The following IFT20 variants were observed in gnomAD, a reference collection of about 807,000 sequenced individuals.
The protein encoded by IFT20 is intraflagellar transport 20.
Under a neutral mutation model 16.9 loss-of-function variants are expected in IFT20, and 4 were observed. That is an observed-to-expected ratio of 0.24 (90% CI 0.12 to 0.54). The LOEUF is 0.54. Among genes scored for constraint, IFT20 ranks in the 20% least tolerant of loss-of-function variants. The pLI, the probability that IFT20 is intolerant of heterozygous loss-of-function variation, is 0.95. For missense variants in IFT20, 154 were observed against 149.7 expected (o/e 1.03, Z -0.15); for synonymous variants, 48 against 49.9 (o/e 0.96, Z 0.16).
chr17:28,329,818 T>G lies in IFT20; in HGVS notation c.214-542A>C, dbSNP rs1188034968. ...CACTCACGCCTTAATCCCAGCACTT[T>G]GGGAGGCTGAGGCGGGCGGATCACC... On this transcript the variant is annotated intron_variant, in intron 3 of 4. Coordinates refer to ENST00000395418, the MANE Select transcript of IFT20 (RefSeq NM_001267776.2). The G allele has an allele frequency of 4.7e-5, 9 of 192,304 alleles. No individual in the cohort carries two copies. In the Admixed American group the frequency reaches 5.3e-4, roughly 11 times the overall value. The allele number at this position is 192,304 out of a possible 1,614,324, so 11.9% of individuals were successfully genotyped here. A position where few individuals can be genotyped will look rare whatever the true frequency, so the allele number is the denominator to read the frequency against.
At chr17:28,328,812 G>C in intron 4 of IFT20, 79 bp from the exon 5 acceptor site, 2 of 888,682 alleles carry the variant, frequency 2.3e-6, no homozygotes, top group Non-Finnish European at 3.7e-6. Context: ...GAAGGATATA[G>C]AGGTTTAAAT....
At chr17:28,333,357 A>G (rs1906921107) in intron 1 of IFT20, among the ~76,000 whole-genome samples, 1 of 152,218 alleles carries the variant, frequency 6.6e-6, no homozygotes. Flanking sequence ...TGTGCCAAGG[A>G]GGAGCAATGG....
At chr17:28,332,093 C>T (rs2142371759) in intron 1 of IFT20, 106 bp from the exon 2 acceptor site, 1 of 1,604,954 alleles carries the variant, frequency 6.2e-7, no homozygotes, top group Non-Finnish European at 8.5e-7. Context: ...GCCAAAAACC[C>T]AGGTGTTCCA....
At chr17:28,333,057 C>G (rs1306761386) in intron 1 of IFT20, among the ~76,000 whole-genome samples, 19 of 135,246 alleles carry the variant, frequency 1.4e-4, no homozygotes, top group African/African-American at 5.4e-4. Flanking sequence ...AAAACTCACT[C>G]TTGTTCTGGC....
chr17:28,332,145 C>G (rs1400251809), intron 1 of IFT20, 158 bp from the exon 2 acceptor site: 2 of 1,549,696 alleles, frequency 1.3e-6, no homozygotes, highest in Non-Finnish European at 1.7e-6. Context: ...CTGAGCCTCA[C>G]CTGTTTCCCA....
chr17:28,332,650 A>G (rs570389479), intron 1 of IFT20: 2 of 157,306 alleles, frequency 1.3e-5, no homozygotes, highest in African/African-American at 4.8e-5. Context: ...TAAAAAATAA[A>G]AAGTCAGGAG....
At position 28,329,345 on chromosome 17, in the gene IFT20, G is replaced by A. The variant is rs571440307; in HGVS notation, c.214-69C>T. The A allele has an allele frequency of 3.5e-4, 431 of 1,249,256 alleles. 7 individuals carry two copies. The South Asian group carries it at 5.1e-3, about 15-fold the overall frequency. The allele number at this position is 1,249,256 out of a possible 1,614,324, so 77.4% of individuals were successfully genotyped here. A position where few individuals can be genotyped will look rare whatever the true frequency, so the allele number is the denominator to read the frequency against. ...TACAGCATCAAGTCCTCAAAGTGGGGAGGGGTTATCTGGGAGCTGTGTCAG... is the reference window on the plus strand; with the variant it reads ...TACAGCATCAAGTCCTCAAAGTGGGAAGGGGTTATCTGGGAGCTGTGTCAG... On this transcript the variant is annotated intron_variant, in intron 3 of 4. Coordinates refer to ENST00000395418, the MANE Select transcript of IFT20 (RefSeq NM_001267776.2).
chr17:28,330,444 T>G lies in IFT20; in HGVS notation c.212A>C (p.Lys71Thr). The G allele has an allele frequency of 1.2e-6, 2 of 1,610,030 alleles. No homozygotes were observed. Among genetic ancestry groups the G allele is most frequent in the Non-Finnish European group, 1.7e-6 (2 of 1,176,252 alleles). ...LAKEAENEKM[K>T]AIGARNLLKS... is the part of the protein sequence containing the mutation. ...AGGCGGAAGACATGCTGATCTTACC[T>G]TCATCTTTTCATTTTCTGCTTCTTT... The change falls in exon 3 of 5, where the codon AAG becomes ACG. Residue 71 changes from lysine to threonine, a missense_variant and splice_region_variant. Coordinates refer to ENST00000395418, the MANE Select transcript of IFT20 (RefSeq NM_001267776.2).
chr17:28,331,271 A>G (rs937348704), intron 2 of IFT20: 7 of 154,486 alleles, frequency 4.5e-5, no homozygotes, highest in African/African-American at 1.7e-4. Flanking sequence ...ACAGAACCCA[A>G]GCTACCTTTC....
rs559586633 is a variant in IFT20, at chr17:28,330,531, T to C, written c.128-3A>G. The C allele has an allele frequency of 1.1e-5, 18 of 1,598,452 alleles. No individual in the cohort carries two copies. In the Admixed American group the frequency reaches 3.0e-4, roughly 27 times the overall value. On this transcript the variant is annotated splice_region_variant and splice_polypyrimidine_tract_variant and intron_variant, in intron 2 of 4. Transcript: ENST00000395418. ...TATTTTCTGAAACTGGCCAATTTCT[T>C]TTAGGAAAAGAACAAAAAATAAAAT...
Position 28,329,078 on chromosome 17 carries a change from CAAT to C in IFT20, c.317+92_317+94del, listed in dbSNP as rs561882616. The stretch of plus-strand genomic sequence containing the variant: ...AAGTGAGATGCTATTCCTGGGAAAA[CAAT>C]GATGAAGAATAAGGACAAGAAGTGA... On this transcript the variant is annotated intron_variant, in intron 4 of 4. Coordinates refer to ENST00000395418, the MANE Select transcript of IFT20 (RefSeq NM_001267776.2). The C allele has an allele frequency of 5.9e-4, 488 of 830,902 alleles. 3 individuals carry two copies. In the African/African-American group the frequency reaches 6.1e-3, roughly 10 times the overall value. The allele number at this position is 830,902 out of a possible 1,614,324, so 51.5% of individuals were successfully genotyped here.
chr17:28,333,837 G>T (rs1340251875), intron 1 of IFT20, among the ~76,000 whole-genome samples: 1 of 152,100 alleles, frequency 6.6e-6, no homozygotes, highest in East Asian at 1.9e-4. Context: ...AGGGTAAGCT[G>T]GGAGGATCGC....
chr17:28,330,518 C>G lies in IFT20; in HGVS notation c.138G>C (p.Gln46His), dbSNP rs1555576397. 1 of 1,610,442 alleles carries G rather than the reference C, an allele frequency of 6.2e-7. No individual in the cohort carries two copies. The highest frequency in any genetic ancestry group is 1.3e-5 in the African/African-American group (1 of 74,818). ...TTAAACCACCAACTATTTTCTGAAA[C>G]TGGCCAATTTCTTTTAGGAAAAGAA... is the stretch of plus-strand genomic sequence containing the variant. ...ECKDFVDKIGQFQKIVGGLIE... is the reference protein window; with the variant it reads ...ECKDFVDKIGHFQKIVGGLIE... The change falls in exon 3 of 5, where the codon CAG (glutamine) becomes CAC (histidine). Residue 46 changes from glutamine (Q) to histidine (H), a missense_variant. Gln to His is a conservative substitution (Grantham distance 24). Transcript: ENST00000395418.
At chr17:28,334,439 G>A (rs572133365) in intron 1 of IFT20, among the ~76,000 whole-genome samples, 225 of 152,378 alleles carry the variant, frequency 1.5e-3, no homozygotes, top group African/African-American at 5.1e-3. Context: ...GCTAGACAGG[G>A]AGACAACAGC....
At position 28,330,356 on chromosome 17, in the gene IFT20, CTAAA is replaced by C. The variant is rs368020660; in HGVS notation, c.213+83_213+86del. The C allele has an allele frequency of 2.6e-5, 25 of 952,598 alleles. No individual in the cohort carries two copies. In the African/African-American group the frequency reaches 3.9e-4, roughly 15 times the overall value. The allele number at this position is 952,598 out of a possible 1,614,324, so 59.0% of individuals were successfully genotyped here. A position where few individuals can be genotyped will look rare whatever the true frequency, so the allele number is the denominator to read the frequency against. ...TTCACCCACCCAGCCCTCTACCCCTCTAAATAAATCAAGAGGGAAGAGGGATGAG... is the reference window on the plus strand; with the variant it reads ...TTCACCCACCCAGCCCTCTACCCCTCTAAATCAAGAGGGAAGAGGGATGAG... On this transcript the variant is annotated intron_variant, in intron 3 of 4. Coordinates refer to ENST00000395418, the MANE Select transcript of IFT20 (RefSeq NM_001267776.2).
chr17:28,330,366 C>A (rs762547322), intron 3 of IFT20, 77 bp downstream of exon 3: 4 of 1,007,892 alleles, frequency 4.0e-6, no homozygotes, highest in Non-Finnish European at 4.8e-6. Context: ...CTAAATAAAT[C>A]AAGAGGGAAG....
Position 28,329,155 on chromosome 17 carries a change from T to TAC in IFT20, c.317+16_317+17dup. 6.4e-7 allele frequency: 1 copy of TAC among 1,573,966 alleles called. No homozygotes were observed. The highest frequency in any genetic ancestry group is 8.7e-7 in the Non-Finnish European group (1 of 1,144,010). ...ATTCAGCTGTGTAAAGAACTTGCTT[T>TAC]ACATCATGACTTCTTACCTTTCTAG... On this transcript the variant is annotated intron_variant, in intron 4 of 4. Coordinates refer to ENST00000395418, the MANE Select transcript of IFT20 (RefSeq NM_001267776.2).
At chr17:28,329,093 A>C (rs782167440) in intron 4 of IFT20, 80 bp downstream of exon 4, 5 of 909,602 alleles carry the variant, frequency 5.5e-6, no homozygotes, top group Non-Finnish European at 7.0e-6. Flanking sequence ...ATGAAGAATA[A>C]GGACAAGAAG....
intron 1 of IFT20, among the ~76,000 whole-genome samples, chr17:28,334,481 A>C (rs1294647573): frequency 6.6e-6 from 1 of 152,264 alleles, no homozygotes; most frequent in Non-Finnish European, 1.5e-5. Context: ...AGACGCAGTC[A>C]TGAGCTTGGA....
Sources: gnomAD v4.1 joint callset for allele counts (sites outside exome capture counted in the v4.1 genomes callset) on GRCh38, gnomAD v4.1.1 for gene constraint, MANE v1.5 for transcripts, NCBI Gene and HGNC (gene_info 2026-07-23, HGNC 2026-07-21) for gene names.